The following CYP4A22 variants were observed in gnomAD, a reference collection of about 807,000 sequenced individuals.
CYP4A22 encodes the protein cytochrome P450 4A22.
CYP4A22 carries 46 observed loss-of-function variants against 56.2 expected under a neutral mutation model. That is an observed-to-expected ratio of 0.82 (90% CI 0.65 to 1.05). CYP4A22 has a LOEUF of 1.05. CYP4A22 is among the 50% of genes least tolerant of loss of function. The pLI is 0.00. For synonymous variants in CYP4A22, 193 were observed against 251.1 expected (o/e 0.77, Z 2.19); for missense variants, 541 against 645.9 (o/e 0.84, Z 1.76).
intron 1 of CYP4A22, among the ~76,000 whole-genome samples, chr1:47,139,892 T>G (rs1176199183): frequency 6.6e-6 from 1 of 152,176 alleles, no homozygotes; most frequent in Non-Finnish European, 1.5e-5. Context: ...CTGTGGCAGA[T>G]GGAAGGGCAT....
At chr1:47,144,489 G>A in intron 7 of CYP4A22, 26 bp downstream of exon 7, 2 of 1,613,988 alleles carry the variant, frequency 1.2e-6, no homozygotes, top group Non-Finnish European at 1.7e-6. Context: ...AGAGGCCTGA[G>A]TCTTTGCCCA....
At chr1:47,141,481 C>A in intron 2 of CYP4A22, 90 bp from the exon 3 acceptor site, 3 of 1,468,110 alleles carry the variant, frequency 2.0e-6, no homozygotes, top group Non-Finnish European at 2.8e-6. Context: ...GTCAAACTGC[C>A]AACTGACAGA....
At position 47,148,777 on chromosome 1, in the gene CYP4A22, G is replaced by A. The variant is rs1232464242; in HGVS notation, c.1540G>A (p.Glu514Lys). The change falls in exon 12 of 12, where the codon GAA (glutamate) becomes AAA (lysine). Residue 514 changes from glutamate to lysine, a missense_variant. Glu to Lys is a moderately conservative substitution (Grantham distance 56, BLOSUM62 1). This residue lies in a region of CYP4A22 where 204 missense variants were observed against 258.9 expected (regional missense o/e 0.79). Coordinates refer to ENST00000371891, the MANE Select transcript of CYP4A22 (RefSeq NM_001010969.4). ...TCTCAGGAGGCTCCCTAACCCTTGTGAAGACAAGGACCAGCTTTGAGGGCC... is the reference window on the plus strand; with the variant it reads ...TCTCAGGAGGCTCCCTAACCCTTGTAAAGACAAGGACCAGCTTTGAGGGCC... Reference protein sequence around the residue: ...LRLRRLPNPCEDKDQL With the variant: ...LRLRRLPNPCKDKDQL 1 of 1,610,234 alleles carries A rather than the reference G, an allele frequency of 6.2e-7. No individual in the cohort carries two copies. The highest frequency in any genetic ancestry group is 1.7e-5 in the Admixed American group (1 of 59,752).
At chr1:47,147,896 G>GCTT (rs2148560296) in intron 11 of CYP4A22, among the ~76,000 whole-genome samples, 1 of 152,282 alleles carries the variant, frequency 6.6e-6, no homozygotes, top group South Asian at 2.1e-4. Context: ...GCTTCAGTGT[G>GCTT]CAGGGAGGGG....
intron 4 of CYP4A22, 42 bp from the exon 5 acceptor site, chr1:47,143,227 C>A: frequency 6.4e-7 from 1 of 1,569,638 alleles, no homozygotes; most frequent in Non-Finnish European, 8.7e-7. Context: ...TAGCAAAGCA[C>A]TTCTTGGAGA....
rs1349695333 is a variant in CYP4A22, at chr1:47,141,034, C to T, written c.337+113C>T. ...GTTCAAACATCAATATCTGAAACCT[C>T]TCCCACGCATCCACCAAGCCCACCA... On this transcript the variant is annotated intron_variant, in intron 2 of 11. Coordinates refer to ENST00000371891, the MANE Select transcript of CYP4A22 (RefSeq NM_001010969.4). The T allele has an allele frequency of 2.0e-6, 3 of 1,490,426 alleles. No homozygotes were observed. The Admixed American group carries it at 6.2e-5, about 31-fold the overall frequency. 92.3% of individuals were successfully genotyped at this position (1,490,426 alleles called of 1,614,324 possible). A position where few individuals can be genotyped will look rare whatever the true frequency, so the allele number is the denominator to read the frequency against.
intron 4 of CYP4A22, 115 bp downstream of exon 4, chr1:47,142,350 ACT>A (rs1382641866): frequency 7.0e-7 from 1 of 1,430,570 alleles, no homozygotes; most frequent in African/African-American, 1.4e-5. Context: ...ATGGAACAAC[ACT>A]CTCAGGTCAT....
intron 1 of CYP4A22, among the ~76,000 whole-genome samples, chr1:47,139,200 C>A (rs1644979862): frequency 6.6e-6 from 1 of 152,200 alleles, no homozygotes; most frequent in African/African-American, 2.4e-5. Flanking sequence ...AGGCCCAGCA[C>A]CAAGCTACCT....
chr1:47,143,824 G>A lies in CYP4A22; in HGVS notation c.698G>A (p.Arg233Lys). ...DLNSLVFCCM[R>K]NAFHENDTIY... ...AACAGCCTGGTTTTTTGCTGTATGA[G>A]GAATGCCTTTCATGAGAATGACACC... is the stretch of plus-strand genomic sequence containing the variant. Residue 233 changes from arginine (R) to lysine (K), a missense_variant, in exon 6 of 12, where the codon AGG becomes AAG. Physicochemically the swap from Arg to Lys is conservative, Grantham distance 26. Around this residue, in one of 3 missense-constraint regions of CYP4A22, gnomAD observed 335 missense variants for 361.2 expected, o/e 0.93. Coordinates refer to ENST00000371891, the MANE Select transcript of CYP4A22 (RefSeq NM_001010969.4). 3.1e-6 allele frequency: 5 copies of A among 1,614,116 alleles called. No homozygotes were observed. Among genetic ancestry groups the A allele is most frequent in the Non-Finnish European group, 4.2e-6 (5 of 1,179,996 alleles).
At chr1:47,143,171 G>A in intron 4 of CYP4A22, 98 bp from the exon 5 acceptor site, 1 of 1,535,612 alleles carries the variant, frequency 6.5e-7, no homozygotes, top group Non-Finnish European at 8.8e-7. Flanking sequence ...GCAAGCTACA[G>A]GAAAAAACAA....
chr1:47,140,837 G>A lies in CYP4A22; in HGVS notation c.253G>A (p.Ala85Thr). 1 of 1,614,174 alleles carries A rather than the reference G, an allele frequency of 6.2e-7. No individual in the cohort carries two copies. The highest frequency in any genetic ancestry group is 1.1e-5 in the South Asian group (1 of 91,084). ...IQERVKTFPSACPYWIWGGKV... is the reference protein window; with the variant it reads ...IQERVKTFPSTCPYWIWGGKV... The stretch of plus-strand genomic sequence containing the variant: ...GGAACGGGTGAAGACATTCCCAAGT[G>A]CCTGTCCTTATTGGATATGGGGAGG... Residue 85 changes from alanine to threonine, a missense_variant, in exon 2 of 12, where the codon GCC becomes ACC. Coordinates refer to ENST00000371891, the MANE Select transcript of CYP4A22 (RefSeq NM_001010969.4).
chr1:47,147,287 A>G, intron 11 of CYP4A22: 8 of 985,460 alleles, frequency 8.1e-6, no homozygotes, highest in Non-Finnish European at 9.6e-6. Flanking sequence ...AGAACCGGAG[A>G]GCATTCCTAA....
chr1:47,140,138 C>A (rs576733243), intron 1 of CYP4A22, among the ~76,000 whole-genome samples: 2 of 152,248 alleles, frequency 1.3e-5, no homozygotes, highest in East Asian at 1.9e-4. Context: ...GCTCATAATT[C>A]ATTGATAAGT....
intron 6 of CYP4A22, among the ~76,000 whole-genome samples, chr1:47,144,130 G>A (rs1017052091): frequency 2.0e-5 from 3 of 152,214 alleles, no homozygotes; most frequent in Non-Finnish European, 4.4e-5. Flanking sequence ...ATAACTGAAT[G>A]AGACCCTGTC....
chr1:47,144,494 T>C, intron 7 of CYP4A22, 31 bp downstream of exon 7: 1 of 1,613,966 alleles, frequency 6.2e-7, no homozygotes. Context: ...CCTGAGTCTT[T>C]GCCCAGAAGT....
Position 47,143,782 on chromosome 1 carries a change from A to T in CYP4A22, c.656A>T (p.Gln219Leu). ...CTCAGGAATTCTCAGTCCTACATCC[A>T]GGCCATTAGTGACCTGAACAGCCTG... ...QVDRNSQSYI[Q>L]AISDLNSLVF... The change falls in exon 6 of 12, where the codon CAG (glutamine) becomes CTG (leucine). Residue 219 changes from glutamine (Q) to leucine (L), a missense_variant. Coordinates refer to ENST00000371891, the MANE Select transcript of CYP4A22 (RefSeq NM_001010969.4). The T allele has an allele frequency of 6.2e-7, 1 of 1,612,598 alleles. No individual in the cohort carries two copies. The highest frequency in any genetic ancestry group is 1.1e-5 in the South Asian group (1 of 90,828).
In CYP4A22 at chr1:47,146,168, G is replaced by A. The variant is rs768364519; in HGVS notation, c.1364+15G>A. 5 of 1,614,186 alleles carry A rather than the reference G, an allele frequency of 3.1e-6. No individual in the cohort carries two copies. The South Asian group carries it at 4.4e-5, about 14-fold the overall frequency. ...GGAGGATCAAGGTGAGACGTCCTGT[G>A]TGGTAATTGGAATAGAGAAATGAGG... On this transcript the variant is annotated intron_variant, in intron 11 of 11. Transcript: ENST00000371891.
rs781758484 is a variant in CYP4A22, at chr1:47,142,156, G to A, written c.431G>A (p.Arg144Gln). 1.2e-5 allele frequency: 19 copies of A among 1,613,722 alleles called. No homozygotes were observed. The highest frequency in any genetic ancestry group is 4.0e-5 in the African/African-American group (3 of 74,876). The stretch of plus-strand genomic sequence containing the variant: ...GGGCAGACATGGTTCCAGCATCGAC[G>A]GATGCTGACCCCAGCCTTCCACAAT... ...LNGQTWFQHR[R>Q]MLTPAFHNDI... Residue 144 changes from arginine to glutamine, a missense_variant, in exon 4 of 12, where the codon CGG becomes CAG. Physicochemically the swap from Arg to Gln is conservative, Grantham distance 43 (BLOSUM62 1). Around this residue, in one of 3 missense-constraint regions of CYP4A22, gnomAD observed 335 missense variants for 361.2 expected, o/e 0.93. Coordinates refer to ENST00000371891, the MANE Select transcript of CYP4A22 (RefSeq NM_001010969.4).
chr1:47,145,378 G>C (rs1448848351), intron 9 of CYP4A22, among the ~76,000 whole-genome samples: 3 of 152,272 alleles, frequency 2.0e-5, no homozygotes, highest in South Asian at 2.1e-4. Flanking sequence ...GCAGAGAGCA[G>C]CCAATGACCA....
Sources: gnomAD v4.1 joint callset for allele counts (sites outside exome capture counted in the v4.1 genomes callset) on GRCh38, gnomAD v4.1.1 for gene constraint, gnomAD v4.1.1 regional missense constraint, MANE v1.5 for transcripts, NCBI Gene and HGNC (gene_info 2026-07-23, HGNC 2026-07-21) for gene names.